MAP3K2: variants seen among roughly 807,000 people sequenced by gnomAD.
MAP3K2 encodes MAP/ERK kinase kinase 2.
Under a neutral mutation model 80.3 loss-of-function variants are expected in MAP3K2, and 24 were observed. The observed-to-expected ratio is 0.30, with a 90% CI of 0.22 to 0.42. The LOEUF (loss-of-function observed/expected upper bound fraction) is 0.42, where lower values mean the gene tolerates loss of function less well. Ranked by LOEUF, MAP3K2 falls within the 10% of genes least tolerant of loss-of-function variation. The pLI is 1.00. For synonymous variants in MAP3K2, 244 were observed against 253.7 expected, an observed-to-expected ratio of 0.96 and a Z score of 0.36; for missense variants, 608 against 750.1, an observed-to-expected ratio of 0.81 and a Z score of 2.21.
chr2:127,336,276 G>A (rs532421542), intron 4 of MAP3K2, among the ~76,000 whole-genome samples: 11 of 152,186 alleles, frequency 7.2e-5, no homozygotes, highest in African/African-American at 2.4e-4. Context: ...TGTTTATTCA[G>A]GAAACTGATT....
chr2:127,344,488 CAAAAA>C (rs10611311), intron 1 of MAP3K2, among the ~76,000 whole-genome samples: 9 of 129,108 alleles, frequency 7.0e-5, no homozygotes, highest in Non-Finnish European at 8.1e-5. Context: ...CCATTTCCAC[CAAAAA>C]AAAAAAAAAA....
At position 127,324,236 on chromosome 2, in the gene MAP3K2, C is replaced by G. The variant is rs766942825; in HGVS notation, c.683G>C (p.Ser228Thr). 3 of 1,544,918 alleles carry G rather than the reference C, an allele frequency of 1.9e-6. No individual in the cohort carries two copies. The Admixed American group carries it at 6.3e-5, about 32-fold the overall frequency. Residue 228 changes from serine (S) to threonine (T), a missense_variant, in exon 10 of 17, where the codon AGC (serine) becomes ACC (threonine). Around this residue, in one of 4 missense-constraint regions of MAP3K2, gnomAD observed 467 missense variants for 521.9 expected, o/e 0.89. Coordinates refer to ENST00000682094, the MANE Select transcript of MAP3K2 (RefSeq NM_001371910.2). ...CCTAGGCATTCGTGATTTTGGATAG[C>G]TCTCTCTATAAAGAAAAAACATCAC... ...PSLDSPLDGE[S>T]YPKSRMPRAQ...
rs1687387017 is a variant in MAP3K2, at chr2:127,387,468, A to ACGTAGAGAGCCGCAGGCC, written c.-100_-83dup. The ACGTAGAGAGCCGCAGGCC allele has an allele frequency of 1.0e-6, 1 of 984,500 alleles. No homozygotes were observed. The allele number at this position is 984,500 out of a possible 1,614,324, so 61.0% of individuals were successfully genotyped here. A position where few individuals can be genotyped will look rare whatever the true frequency, so the allele number is the denominator to read the frequency against. Reference sequence around the variant, plus strand: ...CGCACGTACCGGCTGCTCCGCAGGGACGTAGAGAGCCGCAGGCCCAAGGAG... The same window carrying ACGTAGAGAGCCGCAGGCC: ...CGCACGTACCGGCTGCTCCGCAGGGACGTAGAGAGCCGCAGGCCCGTAGAGAGCCGCAGGCCCAAGGAG... On this transcript the variant is annotated 5_prime_UTR_variant, in exon 1 of 17. Coordinates refer to ENST00000682094, the MANE Select transcript of MAP3K2 (RefSeq NM_001371910.2).
intron 1 of MAP3K2, among the ~76,000 whole-genome samples, chr2:127,352,211 G>T (rs1686703202): frequency 6.6e-6 from 1 of 152,026 alleles, no homozygotes; most frequent in South Asian, 2.1e-4. Context: ...TTCTACTACA[G>T]TAAAGGTTAG....
intron 1 of MAP3K2, among the ~76,000 whole-genome samples, chr2:127,351,744 A>AGT (rs1686695219): frequency 6.6e-6 from 1 of 152,176 alleles, no homozygotes; most frequent in South Asian, 2.1e-4. Context: ...CCTTTTAAAA[A>AGT]GTAAGTCAGA....
At chr2:127,347,840 A>G (rs1034399147) in intron 1 of MAP3K2, among the ~76,000 whole-genome samples, 1 of 152,100 alleles carries the variant, frequency 6.6e-6, no homozygotes, top group African/African-American at 2.4e-5. Context: ...GGAAATGCCA[A>G]TAAAAATCAA....
At chr2:127,378,165 C>A (rs1188960685) in intron 1 of MAP3K2, 3 of 984,294 alleles carry the variant, frequency 3.0e-6, no homozygotes, top group African/African-American at 3.5e-5. Context: ...AAAAACTACA[C>A]ATCCTCAAGG....
In MAP3K2 at chr2:127,307,828, C is replaced by T; in HGVS notation, c.1635-24G>A. The T allele has an allele frequency of 6.7e-7, 1 of 1,484,442 alleles. No homozygotes were observed. Among genetic ancestry groups the T allele is most frequent in the South Asian group, 1.2e-5 (1 of 82,832 alleles). The allele number at this position is 1,484,442 out of a possible 1,614,324, so 92.0% of individuals were successfully genotyped here. On this transcript the variant is annotated intron_variant, in intron 16 of 16. Coordinates refer to ENST00000682094, the MANE Select transcript of MAP3K2 (RefSeq NM_001371910.2). The surrounding 1 kb of genome is among the most constrained non-coding windows in gnomAD (Gnocchi z 5.4). Reference sequence around the variant, plus strand: ...TCCTGAAAAGAAACAAAAAGAAATACATTACACAAACAACAACATGAAAGA... The same window carrying T: ...TCCTGAAAAGAAACAAAAAGAAATATATTACACAAACAACAACATGAAAGA...
chr2:127,388,100 A>G (rs1358054706), upstream of MAP3K2: 1 of 984,234 alleles, frequency 1.0e-6, no homozygotes, highest in Non-Finnish European at 1.2e-6. Context: ...GCCTGCGCAG[A>G]GGCCCGCCAC....
chr2:127,377,118 A>C (rs1687165315), intron 1 of MAP3K2, among the ~76,000 whole-genome samples: 1 of 152,172 alleles, frequency 6.6e-6, no homozygotes, highest in Admixed American at 6.5e-5. Flanking sequence ...TCATTTTAAG[A>C]AATTAAAATA....
intron 2 of MAP3K2, among the ~76,000 whole-genome samples, chr2:127,342,488 G>A (rs1686515250): frequency 6.6e-6 from 1 of 151,748 alleles, no homozygotes; most frequent in South Asian, 2.1e-4. Context: ...GCAAATGTCA[G>A]AATTAAATCC....
intron 5 of MAP3K2, among the ~76,000 whole-genome samples, chr2:127,334,820 G>C (rs1686332909): frequency 6.6e-6 from 1 of 151,070 alleles, no homozygotes; most frequent in African/African-American, 2.4e-5. Flanking sequence ...CACCAGGCTG[G>C]AGTGTAGTGA....
At chr2:127,346,410 T>TAAA (rs70985447) in intron 1 of MAP3K2, among the ~76,000 whole-genome samples, 455 of 95,694 alleles carry the variant, frequency 4.8e-3, no homozygotes, top group African/African-American at 0.012. Context: ...AAACTGGTTT[T>TAAA]AAAAAAAAAA....
In MAP3K2 at chr2:127,304,994, A is replaced by ATT. The variant is rs1685668820; in HGVS notation, c.*2584_*2585insAA. 6.6e-6 allele frequency: 1 copy of ATT among 152,556 alleles called. No individual in the cohort carries two copies. Among genetic ancestry groups the ATT allele is most frequent in the Non-Finnish European group, 1.5e-5 (1 of 68,006 alleles). The allele number at this position is 152,556 out of a possible 1,614,324, so 9.5% of individuals were successfully genotyped here. On this transcript the variant is annotated 3_prime_UTR_variant, in exon 17 of 17. Coordinates refer to ENST00000682094, the MANE Select transcript of MAP3K2 (RefSeq NM_001371910.2). ...GCTAATAATATTTTTCTTATAAAGC[A>ATT]AAGGCCTTCCACAGCAGTGTTAAAG...
At chr2:127,330,996 G>T (rs1471223591) in intron 5 of MAP3K2, among the ~76,000 whole-genome samples, 1 of 152,126 alleles carries the variant, frequency 6.6e-6, no homozygotes, top group Non-Finnish European at 1.5e-5. Flanking sequence ...AGCTGCCATG[G>T]AGGGGTACCA....
intron 5 of MAP3K2, among the ~76,000 whole-genome samples, chr2:127,333,761 T>C (rs1686309885): frequency 6.6e-6 from 1 of 151,794 alleles, no homozygotes; most frequent in Admixed American, 6.6e-5. Flanking sequence ...TAAACTAAAA[T>C]GGAGCAGTTT....
At chr2:127,380,545 A>G (rs1687228176) in intron 1 of MAP3K2, among the ~76,000 whole-genome samples, 1 of 152,208 alleles carries the variant, frequency 6.6e-6, no homozygotes, top group African/African-American at 2.4e-5. Context: ...TAGTGACAGT[A>G]GGGAATCTAA....
intron 15 of MAP3K2, among the ~76,000 whole-genome samples, chr2:127,311,434 C>A (rs1685806523): frequency 6.6e-6 from 1 of 152,208 alleles, no homozygotes; most frequent in African/African-American, 2.4e-5. Context: ...AATATTGAAC[C>A]AATGCTTATC....
chr2:127,329,867 TG>T, intron 7 of MAP3K2, 53 bp downstream of exon 7: 2 of 989,378 alleles, frequency 2.0e-6, no homozygotes, highest in Non-Finnish European at 1.6e-6. Context: ...CATTAAAGGA[TG>T]GAGAAGAAAT....
Sources: allele counts gnomAD v4.1 joint callset (sites outside exome capture counted in the v4.1 genomes callset), GRCh38; gene constraint gnomAD v4.1.1; regional missense constraint gnomAD v4.1.1; non-coding constraint Gnocchi (gnomAD v3.1); transcripts MANE v1.5; gene names NCBI Gene and HGNC (gene_info 2026-07-23, HGNC 2026-07-21).